The following SETD2 variants were observed in gnomAD, a reference collection of about 807,000 sequenced individuals.
The protein encoded by SETD2 is histone-lysine N-methyltransferase SETD2.
Under a neutral mutation model 242.1 loss-of-function variants are expected in SETD2, and 31 were observed. That is an observed-to-expected ratio of 0.13 (90% CI 0.10 to 0.17). The LOEUF is 0.17. SETD2 is among the 10% of genes least tolerant of loss of function. SETD2 has a pLI of 1.00. For synonymous variants in SETD2, 1,006 were observed against 1,066.5 expected, an observed-to-expected ratio of 0.94 and a Z score of 1.11; for missense variants, 2,481 against 3,046.3, an observed-to-expected ratio of 0.81 and a Z score of 4.37.
chr3:47,163,956 CCT>C lies in SETD2; in HGVS notation c.-34_-33del. 1 of 1,273,664 alleles carries C rather than the reference CCT, an allele frequency of 7.9e-7. No individual in the cohort carries two copies. The highest frequency in any genetic ancestry group is 3.5e-5 in the South Asian group (1 of 28,206). The allele number at this position is 1,273,664 out of a possible 1,614,324, so 78.9% of individuals were successfully genotyped here. ...CGGCTGGAGACGGCGACGCGAGCCC[CCT>C]CCCCGCAGCAGGGCGACGCGGGGGA... On this transcript the variant is annotated 5_prime_UTR_variant, in exon 1 of 21. Transcript: ENST00000409792.
At chr3:47,076,776 T>A (rs1175867475) in intron 12 of SETD2, among the ~76,000 whole-genome samples, 1 of 152,078 alleles carries the variant, frequency 6.6e-6, no homozygotes, top group Admixed American at 6.5e-5. Context: ...AAGAGGTGAA[T>A]ATGTATGAGA....
Position 47,163,976 on chromosome 3 carries a change from G to A in SETD2, c.-52C>T, listed in dbSNP as rs1697590109. The A allele has an allele frequency of 1.6e-6, 2 of 1,258,682 alleles. No homozygotes were observed. Among genetic ancestry groups the A allele is most frequent in the Non-Finnish European group, 2.0e-6 (2 of 994,676 alleles). 78.0% of individuals were successfully genotyped at this position (1,258,682 alleles called of 1,614,324 possible). On this transcript the variant is annotated 5_prime_UTR_variant, in exon 1 of 21. Transcript: ENST00000409792. ...AGCCCCCTCCCCGCAGCAGGGCGAC[G>A]CGGGGGAGGGGAGGGGAGGAGGCCG...
chr3:47,126,018 A>G (rs2043314784), intron 2 of SETD2, among the ~76,000 whole-genome samples: 1 of 152,192 alleles, frequency 6.6e-6, no homozygotes, highest in South Asian at 2.1e-4. Context: ...ATTATCATGG[A>G]GCAGTGAATT....
intron 18 of SETD2, among the ~76,000 whole-genome samples, chr3:47,027,848 G>C (rs2038570570): frequency 6.6e-6 from 1 of 151,020 alleles, no homozygotes; most frequent in African/African-American, 2.4e-5. Flanking sequence ...CTGGAGTGCA[G>C]TGGCGCGATC....
At chr3:47,085,430 T>C (rs1299728183) in intron 11 of SETD2, among the ~76,000 whole-genome samples, 1 of 152,230 alleles carries the variant, frequency 6.6e-6, no homozygotes, top group East Asian at 1.9e-4. Context: ...AACAGCTGTC[T>C]AGCAAAGAGA....
At chr3:47,130,755 C>G (rs1410292021) in intron 1 of SETD2, among the ~76,000 whole-genome samples, 3 of 151,858 alleles carry the variant, frequency 2.0e-5, no homozygotes, top group Non-Finnish European at 4.4e-5. Flanking sequence ...CCTATTTCTT[C>G]TTTCAAAAAA....
chr3:47,153,341 TGA>T (rs1426232850), intron 1 of SETD2, among the ~76,000 whole-genome samples: 4 of 152,340 alleles, frequency 2.6e-5, no homozygotes, highest in Admixed American at 2.0e-4. Flanking sequence ...TTCATTTGAA[TGA>T]GAGACTTCCA....
intron 14 of SETD2, among the ~76,000 whole-genome samples, chr3:47,060,730 C>T (rs2040294531): frequency 6.6e-6 from 1 of 151,970 alleles, no homozygotes; most frequent in Admixed American, 6.6e-5. Context: ...AGAAAACATA[C>T]CATATATGAC....
intron 13 of SETD2, among the ~76,000 whole-genome samples, chr3:47,066,548 C>T (rs2040562987): frequency 6.6e-6 from 1 of 152,006 alleles, no homozygotes; most frequent in Non-Finnish European, 1.5e-5. Context: ...AGGGTTTCAC[C>T]ATGTTTCCCA....
At chr3:47,072,039 T>C (rs1370887546) in intron 12 of SETD2, among the ~76,000 whole-genome samples, 2 of 152,178 alleles carry the variant, frequency 1.3e-5, no homozygotes, top group East Asian at 3.8e-4. Context: ...TGGGGCGCAG[T>C]GGCTCACGCT....
At chr3:47,046,378 T>TG (rs1316857423) in intron 16 of SETD2, 109 bp downstream of exon 16, 3 of 890,854 alleles carry the variant, frequency 3.4e-6, no homozygotes, top group African/African-American at 3.5e-5. Context: ...AAAGAACACG[T>TG]GAAAAAAAAA....
chr3:47,108,058 C>A (rs2042508023), intron 5 of SETD2, among the ~76,000 whole-genome samples: 1 of 151,974 alleles, frequency 6.6e-6, no homozygotes, highest in Non-Finnish European at 1.5e-5. Context: ...GTGGGTAGAT[C>A]ACTTAAGCCT....
At chr3:47,161,055 CAT>C (rs1466605445) in intron 1 of SETD2, among the ~76,000 whole-genome samples, 1 of 152,188 alleles carries the variant, frequency 6.6e-6, no homozygotes, top group African/African-American at 2.4e-5. Context: ...TCAATTTCTT[CAT>C]ATGTCTAAGT....
rs5848822 is a variant in SETD2 at position 47,084,426 on chromosome 3, C to CT, written c.5398-45dup. The CT allele has an allele frequency of 0.041, 39,304 of 967,808 alleles. 4 individuals are homozygous for CT. Among genetic ancestry groups the CT allele is most frequent in the Middle Eastern group, 0.053 (154 of 2,928 alleles). 60.0% of individuals were successfully genotyped at this position (967,808 alleles called of 1,614,324 possible). On this transcript the variant is annotated intron_variant, in intron 11 of 20. Coordinates refer to ENST00000409792, the MANE Select transcript of SETD2 (RefSeq NM_014159.7). The stretch of plus-strand genomic sequence containing the variant: ...AAATTACATCACTTTGTACAGTTGA[C>CT]TTTTTTTTTTTTTTTTGAGACAGAG...
chr3:47,048,565 T>A (rs1405300973), intron 15 of SETD2, among the ~76,000 whole-genome samples: 1 of 152,186 alleles, frequency 6.6e-6, no homozygotes, highest in African/African-American at 2.4e-5. Flanking sequence ...TTATTAACAT[T>A]TTTTTAATAA....
At position 47,067,186 on chromosome 3, in the gene SETD2, T is replaced by A. The variant is rs1293338262; in HGVS notation, c.6061-68A>T. 4.5e-6 allele frequency: 5 copies of A among 1,112,220 alleles called. No homozygotes were observed. The African/African-American group carries it at 4.6e-5, about 10-fold the overall frequency. 68.9% of individuals were successfully genotyped at this position (1,112,220 alleles called of 1,614,324 possible). On this transcript the variant is annotated intron_variant, in intron 12 of 20. Transcript: ENST00000409792. ...AAATGGTGATTGCTTTGAAACTGAC[T>A]GTTTTCACATGACAATAAAGAAATG... is the stretch of plus-strand genomic sequence containing the variant.
chr3:47,034,595 C>T (rs1365081926), intron 18 of SETD2, among the ~76,000 whole-genome samples: 2 of 152,124 alleles, frequency 1.3e-5, no homozygotes, highest in Non-Finnish European at 2.9e-5. Context: ...CCTGAGAGTT[C>T]GAGGTTACGG....
At chr3:47,033,437 G>A (rs11709660) in intron 18 of SETD2, among the ~76,000 whole-genome samples, 53,161 of 152,058 alleles carry the variant, frequency 0.35, 9,745 homozygotes, top group Middle Eastern at 0.49. Flanking sequence ...TGCCAGTGTA[G>A]GCAGGGACAG....
chr3:47,018,454 G>T (rs1109497), intron 19 of SETD2, among the ~76,000 whole-genome samples: 10,534 of 152,164 alleles, frequency 0.069, 1,199 homozygotes, highest in African/African-American at 0.24. Context: ...TTTGAACAAA[G>T]TCTACCCATC....
Sources: gnomAD v4.1 joint callset for allele counts (sites outside exome capture counted in the v4.1 genomes callset) on GRCh38, gnomAD v4.1.1 for gene constraint, MANE v1.5 for transcripts, NCBI Gene and HGNC (gene_info 2026-07-23, HGNC 2026-07-21) for gene names.